UTRN: variants seen among roughly 807,000 people sequenced by gnomAD.
UTRN encodes dystrophin-related protein 1.
In UTRN, 283 loss-of-function variants were observed where a neutral mutation model predicts 463.9. The observed-to-expected ratio is 0.61, with a 90% CI of 0.55 to 0.67. The LOEUF is 0.67. UTRN is among the 30% of genes least tolerant of loss of function. The pLI, the probability that UTRN is intolerant of heterozygous loss-of-function variation, is 0.00. For missense variants in UTRN, 3,922 were observed against 4,084.3 expected (o/e 0.96, Z 1.08); for synonymous variants, 1,442 against 1,431.5 (o/e 1.01, Z -0.17).
chr6:144,438,999 C>T lies in UTRN; in HGVS notation c.1392+104C>T. On this transcript the variant is annotated intron_variant, in intron 12 of 74. Transcript: ENST00000367545. ...CTATCGTTAACATGAAGTTGGGACA[C>T]TTCTTCAGGGTTGTCTTCATTTAGC... 1.0e-5 allele frequency: 13 copies of T among 1,255,818 alleles called. No individual in the cohort carries two copies. In the South Asian group the frequency reaches 1.8e-4, roughly 18 times the overall value. 77.8% of individuals were successfully genotyped at this position (1,255,818 alleles called of 1,614,324 possible). A position where few individuals can be genotyped will look rare whatever the true frequency, so the allele number is the denominator to read the frequency against.
At position 144,798,019 on chromosome 6, in the gene UTRN, AT is replaced by A. The variant is rs751259552; in HGVS notation, c.9245+33del. The A allele has an allele frequency of 1.9e-6, 3 of 1,613,046 alleles. No individual in the cohort carries two copies. In the Admixed American group the frequency reaches 5.0e-5, roughly 27 times the overall value. ...AGGCGTGCCAGTGCTGGAGGAGGCT[AT>A]TTTCTGTTTCCTTTGTGTAATCTCA... is the stretch of plus-strand genomic sequence containing the variant. On this transcript the variant is annotated intron_variant, in intron 64 of 74. Coordinates refer to ENST00000367545, the MANE Select transcript of UTRN (RefSeq NM_007124.3).
chr6:144,797,512 T>C (rs1281591986), intron 63 of UTRN, among the ~76,000 whole-genome samples: 1 of 152,190 alleles, frequency 6.6e-6, no homozygotes, highest in Non-Finnish European at 1.5e-5. Flanking sequence ...TTTTACAGAA[T>C]TATTTATGTA....
At position 144,852,331 on chromosome 6, in the gene UTRN, G is replaced by A. The variant is rs1468914541; in HGVS notation, c.*1334G>A. ...CATTTAATTGATTCAGTTTAAACAT[G>A]TTACTTAATTAGCAAATGTAGAGGA... On this transcript the variant is annotated 3_prime_UTR_variant, in exon 75 of 75. Transcript: ENST00000367545. 1 of 152,012 alleles carries A rather than the reference G, an allele frequency of 6.6e-6. No individual in the cohort carries two copies. Among genetic ancestry groups the A allele is most frequent in the African/African-American group, 2.4e-5 (1 of 41,394 alleles). The allele number at this position is 152,012 out of a possible 1,614,324, so 9.4% of individuals were successfully genotyped here.
chr6:144,502,661 A>G (rs1318350896), intron 34 of UTRN, among the ~76,000 whole-genome samples: 1 of 152,174 alleles, frequency 6.6e-6, no homozygotes, highest in Middle Eastern at 3.2e-3. Flanking sequence ...TCTAACATTG[A>G]TGGGCATTTG....
chr6:144,724,238 T>C (rs1787578003), intron 53 of UTRN, among the ~76,000 whole-genome samples: 1 of 133,576 alleles, frequency 7.5e-6, no homozygotes, highest in Admixed American at 7.4e-5. Context: ...TTTTTTTTTT[T>C]TTTTTTTTGA....
Position 144,514,828 on chromosome 6 carries a change from A to C in UTRN, c.5244+8A>C, listed in dbSNP as rs776012306. Reference sequence around the variant, plus strand: ...CATATCAAAAGTGCCAAAGTGAGTAATTATGCTTTTAGAGTAAACCATTTT... The same window carrying C: ...CATATCAAAAGTGCCAAAGTGAGTACTTATGCTTTTAGAGTAAACCATTTT... On this transcript the variant is annotated splice_region_variant and intron_variant, in intron 37 of 74. Coordinates refer to ENST00000367545, the MANE Select transcript of UTRN (RefSeq NM_007124.3). 1 of 1,611,604 alleles carries C rather than the reference A, an allele frequency of 6.2e-7. No individual in the cohort carries two copies. The highest frequency in any genetic ancestry group is 1.1e-5 in the South Asian group (1 of 90,642).
intron 46 of UTRN, among the ~76,000 whole-genome samples, chr6:144,544,775 C>T (rs1798258666): frequency 6.6e-6 from 1 of 152,094 alleles, no homozygotes; most frequent in Non-Finnish European, 1.5e-5. Flanking sequence ...ATATACTTTA[C>T]ACACTTCCTT....
intron 2 of UTRN, among the ~76,000 whole-genome samples, chr6:144,381,962 A>C (rs1780970150): frequency 6.6e-6 from 1 of 151,862 alleles, no homozygotes; most frequent in Admixed American, 6.6e-5. Context: ...ACTAATTTAC[A>C]CTCCCACCAA....
chr6:144,753,540 G>A (rs1442534426), intron 56 of UTRN, among the ~76,000 whole-genome samples: 1 of 151,964 alleles, frequency 6.6e-6, no homozygotes, highest in Non-Finnish European at 1.5e-5. Flanking sequence ...GATCACTTGA[G>A]GCTAGGAGTT....
intron 11 of UTRN, 119 bp from the exon 12 acceptor site, chr6:144,438,626 C>A: frequency 7.9e-7 from 1 of 1,258,536 alleles, no homozygotes; most frequent in Non-Finnish European, 1.1e-6. Flanking sequence ...CTAAATGCTA[C>A]CTTGAATGTT....
Position 144,423,623 on chromosome 6 carries a change from C to A in UTRN, c.309C>A (p.Asn103Lys), listed in dbSNP as rs976486862. ...GAGTGCTGCAGGTTTTACATCAGAACAATGTAAGTGTGTAATGTGAGTTCT... is the reference window on the plus strand; with the variant it reads ...GAGTGCTGCAGGTTTTACATCAGAAAAATGTAAGTGTGTAATGTGAGTTCT... Reference protein sequence around the residue: ...VNRVLQVLHQNNVELVNIGGT... With the variant: ...VNRVLQVLHQKNVELVNIGGT... Residue 103 changes from asparagine (N) to lysine (K), a missense_variant, in exon 5 of 75, where the codon AAC becomes AAA. Physicochemically the swap from Asn to Lys is moderately conservative, Grantham distance 94. Transcript: ENST00000367545. The A allele has an allele frequency of 5.0e-6, 8 of 1,614,162 alleles. No homozygotes were observed. In the East Asian group the frequency reaches 1.3e-4, roughly 27 times the overall value.
At chr6:144,588,037 A>G (rs1802638945) in intron 51 of UTRN, among the ~76,000 whole-genome samples, 1 of 152,172 alleles carries the variant, frequency 6.6e-6, no homozygotes, top group Non-Finnish European at 1.5e-5. Context: ...TGGATGCTGT[A>G]GGTGTGTTTC....
chr6:144,296,803 T>C (rs1381982276), intron 2 of UTRN, among the ~76,000 whole-genome samples: 1 of 152,220 alleles, frequency 6.6e-6, no homozygotes. Context: ...GGTGGGACCC[T>C]GGACTGTGAG....
intron 52 of UTRN, among the ~76,000 whole-genome samples, chr6:144,679,435 T>G (rs919330803): frequency 3.9e-4 from 59 of 152,320 alleles, no homozygotes; most frequent in Non-Finnish European, 6.2e-4. Context: ...TGTTTTGTTT[T>G]GTTTTTTGCC....
In UTRN at chr6:144,482,408, G is replaced by GTTATTATTA. The variant is rs200321832; in HGVS notation, c.3687+22_3687+23insATTATTATT. 2,208 of 1,139,168 alleles carry GTTATTATTA rather than the reference G, an allele frequency of 1.9e-3. 11 individuals are homozygous for GTTATTATTA. The highest frequency in any genetic ancestry group is 0.016 in the African/African-American group (814 of 52,238). The allele number at this position is 1,139,168 out of a possible 1,614,324, so 70.6% of individuals were successfully genotyped here. A position where few individuals can be genotyped will look rare whatever the true frequency, so the allele number is the denominator to read the frequency against. On this transcript the variant is annotated intron_variant, in intron 27 of 74. Coordinates refer to ENST00000367545, the MANE Select transcript of UTRN (RefSeq NM_007124.3). ...CTAGAGGTATGCTATTATTATTATT[G>GTTATTATTA]TTGTTATTATTATTATTATTATTAT... is the stretch of plus-strand genomic sequence containing the variant.
intron 54 of UTRN, among the ~76,000 whole-genome samples, chr6:144,740,070 C>T (rs1454764903): frequency 3.3e-5 from 5 of 152,112 alleles, no homozygotes; most frequent in Admixed American, 2.6e-4. Context: ...TGAATACTTA[C>T]CACCCATTCT....
rs1803664446 is a variant in UTRN at position 144,286,424 on chromosome 6, A to G, written c.-93+603A>G. On this transcript the variant is annotated intron_variant, in intron 1 of 74. Transcript: ENST00000367545. The surrounding 1 kb of genome is among the most constrained non-coding windows in gnomAD (Gnocchi z 4.4). ...TGCTCCCAAGGGTGGGGCTCCGGAG[A>G]GTGTGGCGCGATCGCCAAGCTCCCT... 6.6e-6 allele frequency among the ~76,000 whole-genome samples: 1 copy of G among 151,764 alleles called. No homozygotes were observed. Among genetic ancestry groups the G allele is most frequent in the Non-Finnish European group, 1.5e-5 (1 of 67,940 alleles).
chr6:144,699,294 C>A (rs528347023), intron 52 of UTRN, among the ~76,000 whole-genome samples: 11 of 151,776 alleles, frequency 7.2e-5, no homozygotes, highest in Admixed American at 3.3e-4. Context: ...GAAAATTAAC[C>A]GGGCATGGTG....
chr6:144,580,007 T>C (rs1801812188), intron 51 of UTRN, among the ~76,000 whole-genome samples: 1 of 152,204 alleles, frequency 6.6e-6, no homozygotes, highest in Admixed American at 6.5e-5. Flanking sequence ...AGATAGAAGA[T>C]TGTTAGAGAT....
Sources: gnomAD v4.1 joint callset for allele counts (sites outside exome capture counted in the v4.1 genomes callset) on GRCh38, gnomAD v4.1.1 for gene constraint, Gnocchi (gnomAD v3.1) non-coding constraint, MANE v1.5 for transcripts, NCBI Gene and HGNC (gene_info 2026-07-23, HGNC 2026-07-21) for gene names.